THNSL1: variants seen among roughly 807,000 people sequenced by gnomAD.
The protein encoded by THNSL1 is threonine synthase like 1.
THNSL1 carries 48 observed loss-of-function variants against 50.4 expected under a neutral mutation model. The observed-to-expected ratio is 0.95, with a 90% confidence interval of 0.76 to 1.21. The LOEUF (loss-of-function observed/expected upper bound fraction) is 1.21. THNSL1 is among the 50% of genes most tolerant of loss of function. The pLI is 0.00. For synonymous variants in THNSL1, 309 were observed against 306.1 expected (o/e 1.01, Z -0.10); for missense variants, 896 against 871.7 (o/e 1.03, Z -0.35).
the THNSL1 span, among the ~76,000 whole-genome samples, chr10:24,974,346 G>C: frequency 6.6e-6 from 1 of 152,054 alleles, no homozygotes; most frequent in East Asian, 1.9e-4. Flanking sequence ...CCCAATATGT[G>C]TATTAAGGGG....
At chr10:24,984,309 G>T in the THNSL1 span, 1 of 1,570,026 alleles carries the variant, frequency 6.4e-7, no homozygotes, top group Non-Finnish European at 8.7e-7. Context: ...GTAGCAAGAA[G>T]GCACGTGTTA....
the THNSL1 span, among the ~76,000 whole-genome samples, chr10:24,962,880 A>G: frequency 6.6e-6 from 1 of 152,218 alleles, no homozygotes; most frequent in Non-Finnish European, 1.5e-5. Context: ...TTCAGTTCAT[A>G]TCAAACACAC....
chr10:24,967,847 A>G, the THNSL1 span, among the ~76,000 whole-genome samples: 1 of 150,132 alleles, frequency 6.7e-6, no homozygotes, highest in Non-Finnish European at 1.5e-5. Context: ...TGTCTGTATG[A>G]TGTGTGCGTA....
chr10:24,958,926 C>G, the THNSL1 span, among the ~76,000 whole-genome samples: 1 of 152,148 alleles, frequency 6.6e-6, no homozygotes, highest in African/African-American at 2.4e-5. Context: ...TCCTGGCAGT[C>G]GACCTCAACT....
chr10:24,969,479 C>G, the THNSL1 span, among the ~76,000 whole-genome samples: 2 of 152,124 alleles, frequency 1.3e-5, no homozygotes, highest in African/African-American at 4.8e-5. Context: ...ACTTTTCTAA[C>G]AAATACTACA....
the THNSL1 span, chr10:24,995,646 CT>C: frequency 6.2e-7 from 1 of 1,606,496 alleles, no homozygotes. Flanking sequence ...ACAAGGCTAC[CT>C]TTTTATTGAT....
the THNSL1 span, chr10:24,996,017 C>A: frequency 3.3e-6 from 2 of 607,762 alleles, no homozygotes; most frequent in Non-Finnish European, 5.2e-6. Context: ...TATGCTTACC[C>A]CCAAACTCAT....
chr10:24,960,143 C>T, the THNSL1 span, among the ~76,000 whole-genome samples: 4 of 151,938 alleles, frequency 2.6e-5, no homozygotes, highest in African/African-American at 7.2e-5. Flanking sequence ...CATCTCATTG[C>T]GGCAATTCCC....
chr10:24,998,024 G>A, the THNSL1 span, among the ~76,000 whole-genome samples: 10,375 of 152,118 alleles, frequency 0.068, 1,163 homozygotes, highest in African/African-American at 0.24. Flanking sequence ...CTGAAGTCAC[G>A]AATTAAGCAT....
At chr10:24,970,860 C>T in the THNSL1 span, among the ~76,000 whole-genome samples, 4 of 151,982 alleles carry the variant, frequency 2.6e-5, no homozygotes, top group Non-Finnish European at 5.9e-5. Flanking sequence ...CCCATCTCTA[C>T]TAGAAATACA....
At chr10:24,976,708 G>A in the THNSL1 span, among the ~76,000 whole-genome samples, 2 of 152,110 alleles carry the variant, frequency 1.3e-5, no homozygotes, top group South Asian at 2.1e-4. Flanking sequence ...TGGCCAGGCT[G>A]GTCTTGAACT....
chr10:24,967,843 TATG>T, the THNSL1 span, among the ~76,000 whole-genome samples: 13 of 151,992 alleles, frequency 8.6e-5, no homozygotes, highest in African/African-American at 3.1e-4. Context: ...TGTATGTCTG[TATG>T]ATGTGTGCGT....
upstream of THNSL1, among the ~76,000 whole-genome samples, chr10:25,011,992 G>T (rs112018861): frequency 3.9e-5 from 6 of 152,228 alleles, no homozygotes; most frequent in South Asian, 1.2e-3. Flanking sequence ...TGGGCCCAGG[G>T]CCTTGCTGCT....
At chr10:24,997,411 G>T in the THNSL1 span, among the ~76,000 whole-genome samples, 1 of 147,240 alleles carries the variant, frequency 6.8e-6, no homozygotes, top group East Asian at 2.0e-4. Flanking sequence ...TTTTGAGACA[G>T]GGTCTCCCTC....
At chr10:24,972,681 G>A in the THNSL1 span, among the ~76,000 whole-genome samples, 1 of 152,120 alleles carries the variant, frequency 6.6e-6, no homozygotes, top group Non-Finnish European at 1.5e-5. Flanking sequence ...ATGCAGATGA[G>A]GAGTTGGTAG....
chr10:24,967,610 G>C, the THNSL1 span, among the ~76,000 whole-genome samples: 2 of 152,012 alleles, frequency 1.3e-5, no homozygotes, highest in Non-Finnish European at 2.9e-5. Context: ...TTATGCCTTT[G>C]ATGACCTTGA....
intron 1 of THNSL1, among the ~76,000 whole-genome samples, chr10:25,020,556 C>T (rs1850699491): frequency 6.6e-6 from 1 of 151,950 alleles, no homozygotes; most frequent in Admixed American, 6.6e-5. Flanking sequence ...TGCTTGAGTT[C>T]AGGAGTTCGA....
chr10:25,011,770 T>G (rs1850449959), upstream of THNSL1, among the ~76,000 whole-genome samples: 1 of 152,148 alleles, frequency 6.6e-6, no homozygotes, highest in South Asian at 2.1e-4. Context: ...GCATAAAAGT[T>G]CAGAAAATTT....
chr10:24,985,614 G>A, the THNSL1 span, among the ~76,000 whole-genome samples: 1 of 152,050 alleles, frequency 6.6e-6, no homozygotes, highest in African/African-American at 2.4e-5. Flanking sequence ...TCAAAATTAG[G>A]GATCTCTTAG....
Sources: gnomAD v4.1 joint callset for allele counts (sites outside exome capture counted in the v4.1 genomes callset) on GRCh38, gnomAD v4.1.1 for gene constraint, MANE v1.5 for transcripts, NCBI Gene and HGNC (gene_info 2026-07-23, HGNC 2026-07-21) for gene names.